The following SPNS3 variants were observed in gnomAD, a reference collection of about 807,000 sequenced individuals.
SPNS3 encodes SPNS lysolipid transporter 3, sphingosine-1-phosphate (putative).
In SPNS3, 51 loss-of-function variants were observed where a neutral mutation model predicts 54.4. The observed-to-expected ratio is 0.94, with a 90% CI of 0.75 to 1.18. The LOEUF (loss-of-function observed/expected upper bound fraction) is 1.18. Ranked by LOEUF, SPNS3 falls within the 50% of genes most tolerant of loss-of-function variation. SPNS3 has a pLI of 0.00. For missense variants in SPNS3, 669 were observed against 677.4 expected, an observed-to-expected ratio of 0.99 and a Z score of 0.14; for synonymous variants, 309 against 294.7, an observed-to-expected ratio of 1.05 and a Z score of -0.50.
rs928552121 is a variant in SPNS3, at chr17:4,450,056, C to T, written c.923+669C>T. 2.2e-4 allele frequency among the ~76,000 whole-genome samples: 34 copies of T among 151,898 alleles called. No homozygotes were observed. The South Asian group carries it at 5.6e-3, about 25-fold the overall frequency. On this transcript the variant is annotated intron_variant, in intron 7 of 11. Transcript: ENST00000355530. ...CTCCTCCTCCTGGAACCCTTCACCC[C>T]GGCCTCCTCCCTGCCTCCAGGGGCT...
In SPNS3 at chr17:4,445,112, T is replaced by C; in HGVS notation, c.346T>C (p.Phe116Leu). Residue 116 changes from phenylalanine (F) to leucine (L), a missense_variant, in exon 3 of 12, where the codon TTC becomes CTC. Coordinates refer to ENST00000355530, the MANE Select transcript of SPNS3 (RefSeq NM_182538.5). ...DRHSRKATMSFGILLWSGAGL... is the reference protein window; with the variant it reads ...DRHSRKATMSLGILLWSGAGL... ...ACATAGCCGCAAGGCTACCATGAGC[T>C]TCGGTATCTTGCTGTGGTCAGGAGC... The C allele has an allele frequency of 6.2e-7, 1 of 1,614,146 alleles. No individual in the cohort carries two copies.
chr17:4,436,932 G>A (rs1478449811), intron 1 of SPNS3, among the ~76,000 whole-genome samples: 1 of 152,202 alleles, frequency 6.6e-6, no homozygotes, highest in African/African-American at 2.4e-5. Flanking sequence ...CTGAACCCAC[G>A]AGCCTGGGGA....
intron 8 of SPNS3, among the ~76,000 whole-genome samples, chr17:4,460,092 C>T (rs1247033366): frequency 6.6e-6 from 1 of 152,040 alleles, no homozygotes; most frequent in Non-Finnish European, 1.5e-5. Context: ...TGTGAAGGCC[C>T]TGAGTCAGGA....
intron 8 of SPNS3, among the ~76,000 whole-genome samples, chr17:4,476,643 C>T (rs184070563): frequency 6.3e-4 from 96 of 152,236 alleles, no homozygotes; most frequent in East Asian, 5.4e-3. Context: ...AATGTGGATC[C>T]GCAGCTGCCC....
chr17:4,479,506 T>C (rs189511745), intron 9 of SPNS3, among the ~76,000 whole-genome samples: 1 of 152,358 alleles, frequency 6.6e-6, no homozygotes, highest in African/African-American at 2.4e-5. Flanking sequence ...TCCAGCCTCC[T>C]TGCCTCCTTC....
Position 4,488,140 on chromosome 17 carries a change from C to A in SPNS3, c.*246C>A. The A allele has an allele frequency of 1.8e-6, 1 of 547,206 alleles. No homozygotes were observed. The highest frequency in any genetic ancestry group is 3.3e-6 in the Non-Finnish European group (1 of 304,276). The allele number at this position is 547,206 out of a possible 1,614,324, so 33.9% of individuals were successfully genotyped here. A position where few individuals can be genotyped will look rare whatever the true frequency, so the allele number is the denominator to read the frequency against. ...GGCTGCCCCAGCCTGGGGTCTCCAG[C>A]CTGGCTGCTGCTGGGCCCTGAATAA... On this transcript the variant is annotated 3_prime_UTR_variant, in exon 12 of 12. Transcript: ENST00000355530.
intron 5 of SPNS3, among the ~76,000 whole-genome samples, chr17:4,447,683 G>C (rs1416915453): frequency 1.3e-5 from 2 of 152,168 alleles, no homozygotes; most frequent in African/African-American, 2.4e-5. Flanking sequence ...CTGTTTGAAG[G>C]CTGCCCCAAG....
intron 8 of SPNS3, among the ~76,000 whole-genome samples, chr17:4,455,806 C>T (rs756268671): frequency 3.3e-5 from 5 of 152,166 alleles, no homozygotes; most frequent in South Asian, 2.1e-4. Flanking sequence ...GTCCTAAAGA[C>T]GTCTTCTATG....
chr17:4,486,554 A>AC lies in SPNS3; in HGVS notation c.1422dup (p.Glu475ArgfsTer16). 1.9e-6 allele frequency: 3 copies of AC among 1,612,884 alleles called. No homozygotes were observed. Among genetic ancestry groups the AC allele is most frequent in the Non-Finnish European group, 2.5e-6 (3 of 1,179,646 alleles). The stretch of plus-strand genomic sequence containing the variant: ...CTGACTGCGCTGTACCTGGAGAGAG[A>AC]CGAGACCCGGGCCTGGCAGCCTGTC... On this transcript the variant is annotated frameshift_variant, in exon 11 of 12. Coordinates refer to ENST00000355530, the MANE Select transcript of SPNS3 (RefSeq NM_182538.5). LOFTEE classifies it low-confidence loss of function (END_TRUNC). The surrounding 1 kb of genome is among the most constrained non-coding windows in gnomAD (Gnocchi z 5.5).
chr17:4,455,779 A>G (rs1971295616), intron 8 of SPNS3, among the ~76,000 whole-genome samples: 3 of 152,182 alleles, frequency 2.0e-5, no homozygotes, highest in Non-Finnish European at 4.4e-5. Context: ...CGAATGCCAG[A>G]TGACATGCAT....
chr17:4,486,702 C>T lies in SPNS3; in HGVS notation c.1450+119C>T. The T allele has an allele frequency of 4.6e-6, 5 of 1,086,032 alleles. No individual in the cohort carries two copies. The highest frequency in any genetic ancestry group is 5.2e-6 in the Non-Finnish European group (4 of 773,292). The allele number at this position is 1,086,032 out of a possible 1,614,324, so 67.3% of individuals were successfully genotyped here. On this transcript the variant is annotated intron_variant, in intron 11 of 11. Coordinates refer to ENST00000355530, the MANE Select transcript of SPNS3 (RefSeq NM_182538.5). The surrounding 1 kb of genome is among the most constrained non-coding windows in gnomAD (Gnocchi z 5.5). ...TTCATTCATCCAGAAATGCTTAGTA[C>T]ACCCCTGCTATGTACCAGGGAAGGT...
chr17:4,467,827 G>A (rs539814849), intron 8 of SPNS3, among the ~76,000 whole-genome samples: 6 of 152,240 alleles, frequency 3.9e-5, no homozygotes, highest in East Asian at 3.9e-4. Context: ...CACCATGCCC[G>A]GCTAATTTTT....
In SPNS3 at chr17:4,466,260, G is replaced by A. The variant is rs117490985; in HGVS notation, c.1114-12312G>A. On this transcript the variant is annotated intron_variant, in intron 8 of 11. Coordinates refer to ENST00000355530, the MANE Select transcript of SPNS3 (RefSeq NM_182538.5). ...ATAAACATGGAAAATCAACACCATAGGCCAGGCACGGTAGCTCATGCCTGT... is the reference window on the plus strand; with the variant it reads ...ATAAACATGGAAAATCAACACCATAAGCCAGGCACGGTAGCTCATGCCTGT... 8.1e-3 allele frequency among the ~76,000 whole-genome samples: 1,231 copies of A among 152,322 alleles called. 7 individuals are homozygous for A. The highest frequency in any genetic ancestry group is 0.027 in the Middle Eastern group (8 of 294).
intron 5 of SPNS3, 53 bp downstream of exon 5, chr17:4,447,015 C>G (rs1337230837): frequency 1.3e-5 from 20 of 1,599,818 alleles, no homozygotes; most frequent in Non-Finnish European, 1.6e-5. Flanking sequence ...CCGGCAGGGA[C>G]TTTCCAGCCT....
At chr17:4,455,117 T>G (rs1195707518) in intron 8 of SPNS3, among the ~76,000 whole-genome samples, 1 of 151,948 alleles carries the variant, frequency 6.6e-6, no homozygotes, top group Admixed American at 6.6e-5. Context: ...TTTCGCCACA[T>G]TGGCCAGGCT....
At chr17:4,434,223 G>T (rs1262099213) in intron 1 of SPNS3, 57 bp downstream of exon 1, 1 of 1,496,528 alleles carries the variant, frequency 6.7e-7, no homozygotes, top group East Asian at 2.4e-5. Context: ...CCAGCCAGGG[G>T]CTGCAGATCC....
intron 8 of SPNS3, among the ~76,000 whole-genome samples, chr17:4,472,728 G>A (rs1243825441): frequency 6.7e-6 from 1 of 149,310 alleles, no homozygotes; most frequent in African/African-American, 2.5e-5. Context: ...AGCCGAGAAG[G>A]GTATTACTCT....
chr17:4,470,708 TA>T (rs1348113567), intron 8 of SPNS3, among the ~76,000 whole-genome samples: 6 of 152,182 alleles, frequency 3.9e-5, no homozygotes, highest in Admixed American at 1.3e-4. Flanking sequence ...TAGAATCATA[TA>T]ATATGTTTAA....
At chr17:4,482,791 T>C (rs1375729413) in intron 9 of SPNS3, among the ~76,000 whole-genome samples, 4 of 151,872 alleles carry the variant, frequency 2.6e-5, no homozygotes. Flanking sequence ...CTGCTGTCTG[T>C]CCCCGCCCCA....
Sources: allele counts gnomAD v4.1 joint callset (sites outside exome capture counted in the v4.1 genomes callset), GRCh38; gene constraint gnomAD v4.1.1; non-coding constraint Gnocchi (gnomAD v3.1); transcripts MANE v1.5; gene names NCBI Gene and HGNC (gene_info 2026-07-23, HGNC 2026-07-21).